Variants in ADCK2 observed in about 807,000 individuals in gnomAD.
ADCK2 encodes uncharacterized aarF domain-containing protein kinase 2.
A neutral mutation model predicts 52.3 loss-of-function variants in ADCK2; 37 were observed. The observed-to-expected ratio is 0.71, with a 90% CI of 0.54 to 0.93. The LOEUF (loss-of-function observed/expected upper bound fraction) is 0.93, where lower values mean the gene tolerates loss of function less well. ADCK2 is among the 40% of genes least tolerant of loss of function. The pLI is 0.00. For synonymous variants in ADCK2, 321 were observed against 349.2 expected (o/e 0.92, Z 0.90); for missense variants, 695 against 798.7 (o/e 0.87, Z 1.56).
intron 2 of ADCK2, among the ~76,000 whole-genome samples, chr7:140,677,406 T>TAA (rs750949747): frequency 6.7e-5 from 9 of 133,738 alleles, no homozygotes; most frequent in African/African-American, 2.2e-4. Flanking sequence ...AGACTCCATC[T>TAA]AAAAAAAAAA....
chr7:140,691,927 T>C (rs1284292859), intron 7 of ADCK2, among the ~76,000 whole-genome samples: 1 of 152,046 alleles, frequency 6.6e-6, no homozygotes, highest in African/African-American at 2.4e-5. Flanking sequence ...GCACGGTGGG[T>C]GAGGGGCCTT....
intron 4 of ADCK2, among the ~76,000 whole-genome samples, chr7:140,681,950 C>T (rs1181598058): frequency 6.6e-6 from 1 of 152,174 alleles, no homozygotes; most frequent in African/African-American, 2.4e-5. Flanking sequence ...GGCTCATGCT[C>T]TGTGTGCTGT....
chr7:140,689,331 G>A (rs1287015978), intron 5 of ADCK2, among the ~76,000 whole-genome samples: 1 of 152,058 alleles, frequency 6.6e-6, no homozygotes, highest in Admixed American at 6.6e-5. Context: ...GCCTCTGAGA[G>A]GGCAAACCCA....
rs1037166577 is a variant in ADCK2, at chr7:140,673,645, T to C, written c.315T>C (p.Ala105=). ...TCCGCCTCTGGCTTCGCGCCGGCGC[T>C]CTGTTGGTGAAATTCTTCCCCCTCC... ...LHLRLWLRAG[A]LLVKFFPLLL... is the part of the protein sequence containing the mutation. The change falls in exon 1 of 8, where the codon GCT becomes GCC. Residue 105 remains alanine (A), a synonymous_variant. Transcript: ENST00000072869. This position sits in a 1 kb window ranked among gnomAD's most constrained non-coding sequence, Gnocchi z 6.4. The C allele has an allele frequency of 2.5e-6, 4 of 1,609,784 alleles. No homozygotes were observed. The African/African-American group carries it at 4.0e-5, about 16-fold the overall frequency.
rs1585841431 is a variant in ADCK2, at chr7:140,674,813, C to A, written c.1080+56C>A. ...CACCTAACATAGTTCTTGCCATTAGCTGCTACTTAGTAAATGTTGAATGAA... is the reference window on the plus strand; with the variant it reads ...CACCTAACATAGTTCTTGCCATTAGATGCTACTTAGTAAATGTTGAATGAA... On this transcript the variant is annotated intron_variant, in intron 2 of 7. Coordinates refer to ENST00000072869, the MANE Select transcript of ADCK2 (RefSeq NM_052853.4). The surrounding 1 kb of genome is among the most constrained non-coding windows in gnomAD (Gnocchi z 4.6). The A allele has an allele frequency of 1.3e-5, 20 of 1,560,566 alleles. No homozygotes were observed. In the East Asian group the frequency reaches 4.3e-4, roughly 34 times the overall value.
Position 140,673,061 on chromosome 7 carries a change from T to TCGCGTGGGTCCTGGCTC in ADCK2, c.-268_-252dup, listed in dbSNP as rs1801656320. On this transcript the variant is annotated 5_prime_UTR_variant, in exon 1 of 8. Coordinates refer to ENST00000072869, the MANE Select transcript of ADCK2 (RefSeq NM_052853.4). This position sits in a 1 kb window ranked among gnomAD's most constrained non-coding sequence, Gnocchi z 6.4. ...GGTCGCGGGCGCCCGGGGCCTGGCTTCGCGTGGGTCCTGGCTCCTCCCGTT... is the reference window on the plus strand; with the variant it reads ...GGTCGCGGGCGCCCGGGGCCTGGCTTCGCGTGGGTCCTGGCTCCGCGTGGGTCCTGGCTCCTCCCGTT... The TCGCGTGGGTCCTGGCTC allele has an allele frequency of 9.4e-6, 2 of 212,816 alleles. No homozygotes were observed. The highest frequency in any genetic ancestry group is 1.8e-5 in the Non-Finnish European group (2 of 109,408). 13.2% of individuals were successfully genotyped at this position (212,816 alleles called of 1,614,324 possible). A position where few individuals can be genotyped will look rare whatever the true frequency, so the allele number is the denominator to read the frequency against.
chr7:140,690,213 A>T (rs1441460065), intron 6 of ADCK2, among the ~76,000 whole-genome samples: 1 of 151,922 alleles, frequency 6.6e-6, no homozygotes, highest in Non-Finnish European at 1.5e-5. Flanking sequence ...TTTTTTAAAA[A>T]TTTTTTTGAG....
At chr7:140,687,337 T>G in intron 5 of ADCK2, 96 bp downstream of exon 5, 1 of 1,443,916 alleles carries the variant, frequency 6.9e-7, no homozygotes, top group Non-Finnish European at 9.2e-7. Flanking sequence ...CCCAGCACTT[T>G]GGAAGCCTGA....
chr7:140,694,612 G>A (rs772134607), intron 7 of ADCK2, 51 bp from the exon 8 acceptor site: 53 of 1,561,418 alleles, frequency 3.4e-5, no homozygotes, highest in Non-Finnish European at 4.4e-5. Flanking sequence ...CAGAACACAC[G>A]TCCCTGTATC....
In ADCK2 at chr7:140,673,492, C is replaced by A. The variant is rs1801669046; in HGVS notation, c.162C>A (p.Cys54Ter). ...CTTTGCCCAAGGTCGTCTCCCTGTGCGGGGACGTGGGTGAGGGGGCCCCTG... is the reference window on the plus strand; with the variant it reads ...CTTTGCCCAAGGTCGTCTCCCTGTGAGGGGACGTGGGTGAGGGGGCCCCTG... ...LGTLPKVVSL[C>*]GDVGEGAPDV... The change falls in exon 1 of 8, where the codon TGC (cysteine) becomes TGA (stop). Residue 54 changes from cysteine to a stop codon, truncating the protein, a stop_gained. Coordinates refer to ENST00000072869, the MANE Select transcript of ADCK2 (RefSeq NM_052853.4). LOFTEE classifies it high-confidence loss of function. The surrounding 1 kb of genome is among the most constrained non-coding windows in gnomAD (Gnocchi z 6.4). The A allele has an allele frequency of 1.2e-6, 2 of 1,604,980 alleles. No individual in the cohort carries two copies. The highest frequency in any genetic ancestry group is 1.1e-5 in the South Asian group (1 of 90,598).
chr7:140,683,290 C>T (rs1158731391), intron 4 of ADCK2, among the ~76,000 whole-genome samples: 2 of 152,078 alleles, frequency 1.3e-5, no homozygotes, highest in Non-Finnish European at 2.9e-5. Context: ...TCTAAACAAA[C>T]AAACAAACAA....
chr7:140,674,036 T>A lies in ADCK2; in HGVS notation c.706T>A (p.Ser236Thr). The A allele has an allele frequency of 6.2e-7, 1 of 1,614,092 alleles. No individual in the cohort carries two copies. Among genetic ancestry groups the A allele is most frequent in the Non-Finnish European group, 8.5e-7 (1 of 1,180,024 alleles). Reference protein sequence around the residue: ...TDSVQRLGRASCLPPFSHTGA... With the variant: ...TDSVQRLGRATCLPPFSHTGA... ...CAGCGTCCAGAGACTTGGCAGGGCC[T>A]CCTGTCTGCCGCCCTTCTCACATAC... is the stretch of plus-strand genomic sequence containing the variant. The change falls in exon 1 of 8, where the codon TCC becomes ACC. Residue 236 changes from serine (S) to threonine (T), a missense_variant. By Grantham distance (58) the Ser-to-Thr change is moderately conservative. Coordinates refer to ENST00000072869, the MANE Select transcript of ADCK2 (RefSeq NM_052853.4). This position sits in a 1 kb window ranked among gnomAD's most constrained non-coding sequence, Gnocchi z 4.6.
intron 3 of ADCK2, among the ~76,000 whole-genome samples, chr7:140,680,492 G>A (rs1011426153): frequency 2.0e-5 from 3 of 148,868 alleles, no homozygotes; most frequent in African/African-American, 7.5e-5. Flanking sequence ...GTCTCCTTAC[G>A]TTGCCCAGAC....
intron 4 of ADCK2, among the ~76,000 whole-genome samples, chr7:140,683,918 G>A (rs143465305): frequency 8.6e-4 from 131 of 152,296 alleles, no homozygotes; most frequent in Non-Finnish European, 1.7e-3. Flanking sequence ...TGCTTCCATG[G>A]GAAACCTTCT....
intron 4 of ADCK2, among the ~76,000 whole-genome samples, chr7:140,683,814 G>A (rs1241943254): frequency 6.6e-6 from 1 of 152,194 alleles, no homozygotes; most frequent in Non-Finnish European, 1.5e-5. Flanking sequence ...ACCCCAGAGT[G>A]CAGGGACAGC....
rs1794767668 is a variant in ADCK2 at position 140,694,699 on chromosome 7, G to A, written c.1777G>A (p.Ala593Thr). 1.2e-6 allele frequency: 2 copies of A among 1,614,010 alleles called. No individual in the cohort carries two copies. Among genetic ancestry groups the A allele is most frequent in the African/African-American group, 1.3e-5 (1 of 74,924 alleles). The change falls in exon 8 of 8, where the codon GCC (alanine) becomes ACC (threonine). Residue 593 changes from alanine (A) to threonine (T), a missense_variant. Ala to Thr is a moderately conservative substitution (Grantham distance 58). Coordinates refer to ENST00000072869, the MANE Select transcript of ADCK2 (RefSeq NM_052853.4). ...GAGCAACTTTGCCTCCATTGTGTTT[G>A]CCATCATGGTGTTGGAGGGGCTTGG... ...LESNFASIVFAIMVLEGLGRS... is the reference protein window; with the variant it reads ...LESNFASIVFTIMVLEGLGRS...
intron 5 of ADCK2, among the ~76,000 whole-genome samples, 155 bp from the exon 6 acceptor site, chr7:140,689,442 G>C (rs1563210440): frequency 6.6e-6 from 1 of 152,154 alleles, no homozygotes; most frequent in African/African-American, 2.4e-5. Flanking sequence ...TATAGGTATG[G>C]GCAAAGGGAA....
Position 140,681,143 on chromosome 7 carries a change from C to G in ADCK2, c.1305+6C>G. The G allele has an allele frequency of 6.2e-7, 1 of 1,613,862 alleles. No homozygotes were observed. ...TCAACATGCTCCTGAAGATGGTGAG[C>G]TCATGGCTGGAGCGGGCTCAGGCCC... On this transcript the variant is annotated splice_donor_region_variant and intron_variant, in intron 4 of 7. Transcript: ENST00000072869.
rs1456070167 is a variant in ADCK2, at chr7:140,686,908, T to C, written c.1306-82T>C. On this transcript the variant is annotated intron_variant, in intron 4 of 7. Transcript: ENST00000072869. ...CTGTGATAGAGTGCTGGGAGCTTAT[T>C]GTCACCTGGCAACTTTCTTTCTCTG... is the stretch of plus-strand genomic sequence containing the variant. 7.7e-6 allele frequency: 12 copies of C among 1,556,924 alleles called. No individual in the cohort carries two copies. The African/African-American group carries it at 1.2e-4, about 16-fold the overall frequency.
Sources: gnomAD v4.1 joint callset for allele counts (sites outside exome capture counted in the v4.1 genomes callset) on GRCh38, gnomAD v4.1.1 for gene constraint, Gnocchi (gnomAD v3.1) non-coding constraint, MANE v1.5 for transcripts, NCBI Gene and HGNC (gene_info 2026-07-23, HGNC 2026-07-21) for gene names.